EI24: variants seen among roughly 807,000 people sequenced by gnomAD.
EI24 encodes the protein EI24 autophagy associated transmembrane protein.
A neutral mutation model predicts 48.6 loss-of-function variants in EI24; 21 were observed. The observed-to-expected ratio is 0.43, with a 90% CI of 0.31 to 0.62. EI24 has a LOEUF of 0.62. EI24 is among the 20% of genes least tolerant of loss of function. EI24 has a pLI of 0.10. For synonymous variants in EI24, 114 were observed against 145.5 expected, an observed-to-expected ratio of 0.78 and a Z score of 1.56; for missense variants, 280 against 410.5, an observed-to-expected ratio of 0.68 and a Z score of 2.75.
rs183046105 is a variant in EI24, at chr11:125,575,259, A to T, written c.43-4A>T. The T allele has an allele frequency of 7.5e-5, 116 of 1,541,460 alleles. 1 individual carries two copies. In the African/African-American group the frequency reaches 1.5e-3, roughly 20 times the overall value. On this transcript the variant is annotated splice_region_variant and splice_polypyrimidine_tract_variant and intron_variant, in intron 2 of 10. Coordinates refer to ENST00000278903, the MANE Select transcript of EI24 (RefSeq NM_004879.5). Reference sequence around the variant, plus strand: ...AATAATAATAATGATAGCCTTTTCTATAGGGAATCAAAGACTCCATCTGGG... The same window carrying T: ...AATAATAATAATGATAGCCTTTTCTTTAGGGAATCAAAGACTCCATCTGGG...
chr11:125,578,074 C>T lies in EI24; in HGVS notation c.317-59C>T, dbSNP rs1039992789. ...GAATAGTCACGAGATGGGGGTTCCG[C>T]ATTTGGTCTTCTGGATTTCCATTTC... On this transcript the variant is annotated intron_variant, in intron 5 of 10. Transcript: ENST00000278903. 4 of 1,606,124 alleles carry T rather than the reference C, an allele frequency of 2.5e-6. No individual in the cohort carries two copies. The African/African-American group carries it at 5.4e-5, about 22-fold the overall frequency.
At chr11:125,578,044 A>T in intron 5 of EI24, 89 bp from the exon 6 acceptor site, 1 of 1,498,208 alleles carries the variant, frequency 6.7e-7, no homozygotes, top group Non-Finnish European at 9.2e-7. Context: ...CCAGGAGGAG[A>T]CAGAGAATAG....
chr11:125,579,119 GT>G, intron 7 of EI24, 51 bp downstream of exon 7: 1 of 1,525,144 alleles, frequency 6.6e-7, no homozygotes, highest in South Asian at 1.2e-5. Context: ...AAGAAAAACT[GT>G]TTCACTAGAG....
At chr11:125,579,090 T>C in intron 7 of EI24, 22 bp downstream of exon 7, 1 of 1,549,206 alleles carries the variant, frequency 6.5e-7, no homozygotes, top group Non-Finnish European at 8.7e-7. Context: ...CTTCTGGGCA[T>C]ATGGGCAGCT....
intron 6 of EI24, 94 bp downstream of exon 6, chr11:125,578,351 G>T (rs1026178654): frequency 1.3e-6 from 2 of 1,538,042 alleles, no homozygotes; most frequent in African/African-American, 2.7e-5. Flanking sequence ...CATGTAGGGG[G>T]ACCTGTTTTT....
intron 4 of EI24, 150 bp downstream of exon 4, chr11:125,576,465 CAG>C (rs2135858829): frequency 4.0e-6 from 3 of 743,696 alleles, no homozygotes; most frequent in Non-Finnish European, 6.7e-6. Context: ...TGTGCATCTG[CAG>C]AGATTTTATT....
intron 1 of EI24, among the ~76,000 whole-genome samples, chr11:125,570,800 G>A (rs565167078): frequency 1.4e-3 from 214 of 152,276 alleles, no homozygotes; most frequent in African/African-American, 4.6e-3. Flanking sequence ...GGCAGGTTAC[G>A]GGAGTGGATC....
At chr11:125,582,852 T>A (rs1939070129) in intron 10 of EI24, among the ~76,000 whole-genome samples, 1 of 152,242 alleles carries the variant, frequency 6.6e-6, no homozygotes, top group South Asian at 2.1e-4. Flanking sequence ...TTTTGTATGC[T>A]CTTGCTATAC....
chr11:125,575,400 G>A lies in EI24; in HGVS notation c.180G>A (p.Lys60=). 1 of 1,591,620 alleles carries A rather than the reference G, an allele frequency of 6.3e-7. No homozygotes were observed. The highest frequency in any genetic ancestry group is 8.6e-7 in the Non-Finnish European group (1 of 1,168,184). Residue 60 remains lysine, a synonymous_variant, in exon 3 of 11, where the codon AAG becomes AAA. Coordinates refer to ENST00000278903, the MANE Select transcript of EI24 (RefSeq NM_004879.5). ...GAAGAGCCCAGAGTATAGAGCGGAA[G>A]CAAGAGAGGTAAGGAGTGCATGCCT... ...AQRRAQSIER[K]QESEPRIVSR...
intron 2 of EI24, chr11:125,573,567 C>T: frequency 3.1e-6 from 1 of 320,444 alleles, no homozygotes; most frequent in Admixed American, 3.4e-5. Context: ...TATGATGGTA[C>T]CAGTGCACTA....
At position 125,578,116 on chromosome 11, in the gene EI24, C is replaced by G; in HGVS notation, c.317-17C>G. 1 of 1,612,408 alleles carries G rather than the reference C, an allele frequency of 6.2e-7. No individual in the cohort carries two copies. The highest frequency in any genetic ancestry group is 8.5e-7 in the Non-Finnish European group (1 of 1,179,824). On this transcript the variant is annotated splice_polypyrimidine_tract_variant and intron_variant, in intron 5 of 10. Transcript: ENST00000278903. ...TTCCATTTCTCCATTTCTAGTAACT[C>G]GTTTCCTCTTTCTTAGGTGACCCAT...
intron 8 of EI24, 28 bp from the exon 9 acceptor site, chr11:125,581,183 T>A: frequency 6.7e-7 from 1 of 1,501,502 alleles, no homozygotes; most frequent in Non-Finnish European, 9.2e-7. Flanking sequence ...AAATATAATA[T>A]CTAATTGTAT....
Position 125,580,156 on chromosome 11 carries a change from T to A in EI24, c.625T>A (p.Ser209Thr). The A allele has an allele frequency of 6.2e-7, 1 of 1,613,898 alleles. No homozygotes were observed. The highest frequency in any genetic ancestry group is 8.5e-7 in the Non-Finnish European group (1 of 1,179,768). Residue 209 changes from serine to threonine, a missense_variant, in exon 8 of 11, where the codon TCC becomes ACC. Physicochemically the swap from Ser to Thr is moderately conservative, Grantham distance 58. Coordinates refer to ENST00000278903, the MANE Select transcript of EI24 (RefSeq NM_004879.5). ...TCAGCTGGTTAGTCTCCTGCATATG[T>A]CCCTTCTCTACTCACTGTACTGCTT... Reference protein sequence around the residue: ...VGQLVSLLHMSLLYSLYCFEY... With the variant: ...VGQLVSLLHMTLLYSLYCFEY...
At chr11:125,575,146 G>A in intron 2 of EI24, 117 bp from the exon 3 acceptor site, 1 of 902,312 alleles carries the variant, frequency 1.1e-6, no homozygotes, top group Non-Finnish European at 1.6e-6. Flanking sequence ...AGGATCATTT[G>A]AACCCAGGAG....
chr11:125,569,801 T>C (rs1697291893), intron 1 of EI24: 1 of 269,756 alleles, frequency 3.7e-6, no homozygotes, highest in Non-Finnish European at 7.0e-6. Flanking sequence ...ACCCGGAGCG[T>C]GCGTGATCCG....
intron 3 of EI24, 117 bp from the exon 4 acceptor site, chr11:125,576,138 A>T (rs1381775682): frequency 1.0e-6 from 1 of 976,894 alleles, no homozygotes; most frequent in Admixed American, 2.1e-5. Context: ...TTGGGAGAAC[A>T]TGAGGCACTG....
Position 125,569,528 on chromosome 11 carries a change from G to T in EI24, c.-116G>T. 2.6e-6 allele frequency: 1 copy of T among 379,638 alleles called. No homozygotes were observed. The highest frequency in any genetic ancestry group is 4.7e-6 in the Non-Finnish European group (1 of 213,940). The allele number at this position is 379,638 out of a possible 1,614,324, so 23.5% of individuals were successfully genotyped here. A position where few individuals can be genotyped will look rare whatever the true frequency, so the allele number is the denominator to read the frequency against. ...GGAAGCGCCCCGGCGGAGCTGGCCT[G>T]CGGTGGGCTAGGGGCAGGGCCGGAG... is the stretch of plus-strand genomic sequence containing the variant. On this transcript the variant is annotated 5_prime_UTR_variant, in exon 1 of 11. Coordinates refer to ENST00000278903, the MANE Select transcript of EI24 (RefSeq NM_004879.5).
At chr11:125,569,597 A>G (rs961972301) in intron 1 of EI24, 24 bp downstream of exon 1, 3 of 363,082 alleles carry the variant, frequency 8.3e-6, no homozygotes, top group African/African-American at 4.2e-5. Context: ...CAGCCGAGCT[A>G]GGCCTCGGGG....
At chr11:125,580,031 C>T (rs1248390017) in intron 7 of EI24, 62 bp from the exon 8 acceptor site, 2 of 1,279,928 alleles carry the variant, frequency 1.6e-6, no homozygotes, top group Admixed American at 1.7e-5. Flanking sequence ...TGGAGAGTGA[C>T]AGGTGAATGG....
Sources: allele counts gnomAD v4.1 joint callset (sites outside exome capture counted in the v4.1 genomes callset), GRCh38; gene constraint gnomAD v4.1.1; transcripts MANE v1.5; gene names NCBI Gene and HGNC (gene_info 2026-07-23, HGNC 2026-07-21).